The following MAGEA11 variants were observed in gnomAD, a reference collection of about 807,000 sequenced individuals.
The protein encoded by MAGEA11 is melanoma-associated antigen 11.
In MAGEA11, 1 loss-of-function variant was observed where a neutral mutation model predicts 8.4. The ratio of observed to expected loss-of-function variants is 0.12; its 90% CI spans 0.04 to 0.57. The LOEUF (loss-of-function observed/expected upper bound fraction) is 0.57. MAGEA11 is among the 20% of genes least tolerant of loss of function. MAGEA11 has a pLI of 0.91. For synonymous variants in MAGEA11, 127 were observed against 119.3 expected (o/e 1.06, Z -0.42); for missense variants, 209 against 317.3 (o/e 0.66, Z 2.59).
intron 1 of MAGEA11, 39 bp from the exon 2 acceptor site, chrX:149,713,103 AT>A: frequency 1.1e-6 from 1 of 917,757 alleles, no homozygotes; most frequent in Non-Finnish European, 1.6e-6. Flanking sequence ...GCCCCCCCCC[AT>A]AGTCCCGCCG....
intron 1 of MAGEA11, among the ~76,000 whole-genome samples, chrX:149,694,732 T>C (rs2090323904): frequency 9.0e-6 from 1 of 111,081 alleles, no homozygotes; most frequent in Non-Finnish European, 1.9e-5. Flanking sequence ...TTTTTTTTAA[T>C]TTTATTTCGA....
chrX:149,712,884 G>A (rs1479424569), intron 1 of MAGEA11, among the ~76,000 whole-genome samples: 1 of 112,700 alleles, frequency 8.9e-6, no homozygotes, highest in African/African-American at 3.2e-5. Context: ...AGGCCCCACA[G>A]AGCAAGGCTC....
At chrX:149,697,354 G>A (rs782774739) in intron 1 of MAGEA11, among the ~76,000 whole-genome samples, 2 of 111,488 alleles carry the variant, frequency 1.8e-5, no homozygotes, top group Non-Finnish European at 3.8e-5. Flanking sequence ...GAGTTGTCAT[G>A]GTCTTGAGTC....
chrX:149,705,913 C>CTT (rs10622345), intron 1 of MAGEA11, among the ~76,000 whole-genome samples: 7,488 of 111,696 alleles, frequency 0.067, 462 homozygotes, highest in Admixed American at 0.26. Context: ...CCCTGCAACA[C>CTT]TTAGGCATCC....
At position 149,712,113 on chromosome X, in the gene MAGEA11, G is replaced by C; in HGVS notation, c.-67G>C. 1.3e-6 allele frequency: 1 copy of C among 753,368 alleles called. No homozygotes were observed. The highest frequency in any genetic ancestry group is 1.6e-6 in the Non-Finnish European group (1 of 638,794). 62.1% of individuals were successfully genotyped at this position (753,368 alleles called of 1,213,427 possible). A position where few individuals can be genotyped will look rare whatever the true frequency, so the allele number is the denominator to read the frequency against. Reference sequence around the variant, plus strand: ...AAGCGAAAGCGTCTTTCTGAGGGGTGTCTTGAGAGTGGCAGAGGGCAGCGG... The same window carrying C: ...AAGCGAAAGCGTCTTTCTGAGGGGTCTCTTGAGAGTGGCAGAGGGCAGCGG... On this transcript the variant is annotated 5_prime_UTR_variant, in exon 1 of 5. Coordinates refer to ENST00000355220, the MANE Select transcript of MAGEA11 (RefSeq NM_005366.5).
chrX:149,710,212 T>C (rs2090393745), upstream of MAGEA11, among the ~76,000 whole-genome samples: 2 of 111,604 alleles, frequency 1.8e-5, no homozygotes, highest in African/African-American at 6.5e-5. Context: ...TATCCAAAAA[T>C]TACCTAACAA....
upstream of MAGEA11, among the ~76,000 whole-genome samples, chrX:149,711,522 C>G (rs1371080486): frequency 1.8e-5 from 2 of 111,793 alleles, no homozygotes; most frequent in Middle Eastern, 4.6e-3. Flanking sequence ...GGATCCGCAG[C>G]TATTGTCTGC....
At chrX:149,711,410 T>A (rs2090399473), upstream of MAGEA11, among the ~76,000 whole-genome samples, 1 of 112,041 alleles carries the variant, frequency 8.9e-6, no homozygotes, top group Non-Finnish European at 1.9e-5. Context: ...GTTTGCAAAG[T>A]CTAGATCTGG....
At chrX:149,697,243 G>A (rs782144810) in intron 1 of MAGEA11, among the ~76,000 whole-genome samples, 46 of 110,432 alleles carry the variant, frequency 4.2e-4, no homozygotes, top group African/African-American at 5.3e-4. Flanking sequence ...TGACCTCACC[G>A]CCTCTCTCCT....
At chrX:149,694,825 G>C (rs1411897123) in intron 1 of MAGEA11, among the ~76,000 whole-genome samples, 1 of 110,506 alleles carries the variant, frequency 9.0e-6, no homozygotes, top group Non-Finnish European at 1.9e-5. Flanking sequence ...AGGTTCAAGT[G>C]ATTCTCCTGC....
At chrX:149,696,308 C>T (rs1311304207) in intron 1 of MAGEA11, among the ~76,000 whole-genome samples, 1 of 109,150 alleles carries the variant, frequency 9.2e-6, no homozygotes, top group Non-Finnish European at 1.9e-5. Context: ...CTCGGTGTGC[C>T]CTGGTGGTCA....
In MAGEA11 at chrX:149,714,514, TCAACAGAAAGAGCCC is replaced by T. The variant is rs1362067702; in HGVS notation, c.133_147del (p.Thr45_Pro49del). ...TATGTTCTCAGAGGACGACTTCCAGTCAACAGAAAGAGCCCCATATGGTCCACAACTACAGTGGTC... is the reference window on the plus strand; with the variant it reads ...TATGTTCTCAGAGGACGACTTCCAGTCATATGGTCCACAACTACAGTGGTC... On this transcript the variant is annotated inframe_deletion, in exon 3 of 5. Transcript: ENST00000355220. 8.3e-7 allele frequency: 1 copy of T among 1,209,338 alleles called. No homozygotes were observed. Among genetic ancestry groups the T allele is most frequent in the Admixed American group, 2.2e-5 (1 of 45,762 alleles).
chrX:149,703,419 C>T (rs782240911), intron 1 of MAGEA11, among the ~76,000 whole-genome samples: 6 of 112,070 alleles, frequency 5.4e-5, no homozygotes, highest in Non-Finnish European at 9.4e-5. Context: ...TGAACCTGGG[C>T]AGCCAGGGTC....
At position 149,716,998 on chromosome X, in the gene MAGEA11, CT is replaced by C. The variant is rs1266277991; in HGVS notation, c.*227del. ...CTTCCATCGGGTGACTTGGAGATTTCTTTTTGTTTCCCTTTGGTAATTTTCA... is the reference window on the plus strand; with the variant it reads ...CTTCCATCGGGTGACTTGGAGATTTCTTTTGTTTCCCTTTGGTAATTTTCA... On this transcript the variant is annotated 3_prime_UTR_variant, in exon 5 of 5. Transcript: ENST00000355220. 1 of 335,855 alleles carries C rather than the reference CT, an allele frequency of 3.0e-6. No homozygotes were observed. The highest frequency in any genetic ancestry group is 5.2e-6 in the Non-Finnish European group (1 of 194,004). The allele number at this position is 335,855 out of a possible 1,213,427, so 27.7% of individuals were successfully genotyped here.
chrX:149,688,556 A>G, upstream of MAGEA11, among the ~76,000 whole-genome samples: 1 of 111,415 alleles, frequency 9.0e-6, no homozygotes. Context: ...AAATATTTTA[A>G]TGAAAGATAT....
intron 1 of MAGEA11, among the ~76,000 whole-genome samples, chrX:149,706,057 C>A (rs1169591102): frequency 8.9e-6 from 1 of 112,072 alleles, no homozygotes; most frequent in Non-Finnish European, 1.9e-5. Flanking sequence ...TGACATCTTG[C>A]AGGGCTCCAG....
In MAGEA11 at chrX:149,715,918, G is replaced by A. The variant is rs782333618; in HGVS notation, c.432G>A (p.Glu144=). The part of the protein sequence containing the change: ...GLVGAQALQA[E]EQEAAFFSST... The stretch of plus-strand genomic sequence containing the variant: ...TGGGTGCACAGGCTCTCCAAGCTGA[G>A]GAGCAGGAGGCTGCCTTCTTCTCCT... Residue 144 remains glutamate, a synonymous_variant, in exon 5 of 5, where the codon GAG becomes GAA. Transcript: ENST00000355220. The A allele has an allele frequency of 5.0e-6, 6 of 1,209,689 alleles. No homozygotes were observed. Among genetic ancestry groups the A allele is most frequent in the African/African-American group, 1.8e-5 (1 of 57,019 alleles).
chrX:149,716,497 C>T lies in MAGEA11; in HGVS notation c.1011C>T (p.Val337=), dbSNP rs1557362534. Residue 337 remains valine, a synonymous_variant, in exon 5 of 5, where the codon GTC becomes GTT. Transcript: ENST00000355220. The stretch of plus-strand genomic sequence containing the variant: ...TCCCTGAAGAGGTTATGTGGGAAGT[C>T]CTGAGCATTATGGGGGTGTATGCTG... ...NCIPEEVMWE[V]LSIMGVYAGR... 1 of 1,211,544 alleles carries T rather than the reference C, an allele frequency of 8.3e-7. No individual in the cohort carries two copies. The highest frequency in any genetic ancestry group is 2.2e-5 in the Admixed American group (1 of 46,049).
chrX:149,689,087 A>T (rs2090299867), intron 1 of MAGEA11: 8 of 756,628 alleles, frequency 1.1e-5, no homozygotes, highest in Non-Finnish European at 1.5e-5. Flanking sequence ...AATGATCCAG[A>T]TGATGTTCCC....
Sources: gnomAD v4.1 joint callset for allele counts (sites outside exome capture counted in the v4.1 genomes callset) on GRCh38, gnomAD v4.1.1 for gene constraint, MANE v1.5 for transcripts, NCBI Gene and HGNC (gene_info 2026-07-23, HGNC 2026-07-21) for gene names.